RGS6: variants seen among roughly 807,000 people sequenced by gnomAD.
RGS6 encodes the protein regulator of G-protein signaling 6.
A neutral mutation model predicts 78.5 loss-of-function variants in RGS6; 30 were observed. The ratio of observed to expected loss-of-function variants is 0.38; its 90% CI spans 0.29 to 0.52. The LOEUF (loss-of-function observed/expected upper bound fraction) is 0.52, where lower values mean the gene tolerates loss of function less well. RGS6 is among the 20% of genes least tolerant of loss of function. The probability of loss-of-function intolerance (pLI) is 0.85; values close to 1 mark genes in which losing one functional copy is unlikely to be tolerated. For synonymous variants in RGS6, 206 were observed against 206.0 expected (o/e 1.00, Z 0.00); for missense variants, 495 against 609.7 (o/e 0.81, Z 1.98).
intron 1 of RGS6, among the ~76,000 whole-genome samples, chr14:71,963,916 A>G (rs1338343884): frequency 6.6e-6 from 1 of 152,200 alleles, no homozygotes; most frequent in Non-Finnish European, 1.5e-5. Flanking sequence ...TCTGTGTTCA[A>G]CTTTTTTGAG....
At position 72,305,015 on chromosome 14, in the gene RGS6, G is replaced by T. The variant is rs186904532; in HGVS notation, c.85-47080G>T. ...AACCCAGGACATTACCAAACTTTCT[G>T]ATCTTGGCCAAGGGGAGAGGTGAAA... On this transcript the variant is annotated intron_variant, in intron 2 of 17. Transcript: ENST00000553525. Among the ~76,000 whole-genome samples, 35 of 152,256 alleles carry T rather than the reference G, an allele frequency of 2.3e-4. 1 individual carries two copies. The East Asian group carries it at 6.8e-3, about 29-fold the overall frequency.
chr14:72,586,404 C>T, the RGS6 span, among the ~76,000 whole-genome samples: 2 of 152,186 alleles, frequency 1.3e-5, no homozygotes, highest in Admixed American at 6.5e-5. Context: ...CTCTCTCGTG[C>T]TTCCTCTCCT....
chr14:72,466,211 A>G (rs2095907370), intron 7 of RGS6, among the ~76,000 whole-genome samples: 1 of 152,242 alleles, frequency 6.6e-6, no homozygotes, highest in South Asian at 2.1e-4. Context: ...TAGAATGGCC[A>G]AAATAAAAAA....
rs372447999 is a variant in RGS6, at chr14:72,257,015, G to A, written c.85-95080G>A. Among the ~76,000 whole-genome samples the A allele has an allele frequency of 2.4e-4, 36 of 152,264 alleles. No individual in the cohort carries two copies. The South Asian group carries it at 7.3e-3, about 31-fold the overall frequency. ...CCTGCAAGAGGAGTGCTTTTAAAAC[G>A]TTTTTACATGAAGATGCTTTCTACT... On this transcript the variant is annotated intron_variant, in intron 2 of 17. Transcript: ENST00000553525.
At chr14:71,990,825 A>G in intron 2 of RGS6, 1 of 456,016 alleles carries the variant, frequency 2.2e-6, no homozygotes, top group South Asian at 1.5e-5. Context: ...CTCACTTACC[A>G]CAAACATAAC....
intron 2 of RGS6, among the ~76,000 whole-genome samples, chr14:71,973,146 G>A (rs2093914586): frequency 6.6e-6 from 1 of 152,152 alleles, no homozygotes; most frequent in African/African-American, 2.4e-5. Context: ...TAGCTATGCT[G>A]GGTGATCTCT....
chr14:72,498,838 G>T (rs2096679866), intron 13 of RGS6, among the ~76,000 whole-genome samples: 1 of 152,154 alleles, frequency 6.6e-6, no homozygotes, highest in Non-Finnish European at 1.5e-5. Context: ...GAGTTCCCCG[G>T]CAGGCTTTCC....
At chr14:72,575,210 C>A in the RGS6 span, among the ~76,000 whole-genome samples, 1 of 151,984 alleles carries the variant, frequency 6.6e-6, no homozygotes, top group Non-Finnish European at 1.5e-5. Flanking sequence ...TGTGAAGTAT[C>A]TGGGGTGTGC....
chr14:72,090,853 C>T (rs1239049609), intron 2 of RGS6, among the ~76,000 whole-genome samples: 1 of 152,088 alleles, frequency 6.6e-6, no homozygotes, highest in African/African-American at 2.4e-5. Flanking sequence ...TTGGCGCAGG[C>T]TCCTGTTGGG....
intron 2 of RGS6, among the ~76,000 whole-genome samples, chr14:72,290,849 A>C (rs1483632909): frequency 6.6e-6 from 1 of 151,944 alleles, no homozygotes; most frequent in Non-Finnish European, 1.5e-5. Flanking sequence ...GTAGCTGTCA[A>C]CTCTGTGCCA....
intron 3 of RGS6, among the ~76,000 whole-genome samples, chr14:72,418,086 C>G (rs559882335): frequency 5.3e-4 from 81 of 152,250 alleles, no homozygotes; most frequent in Non-Finnish European, 1.1e-3. Flanking sequence ...AAGCCACGGC[C>G]CATTTTACTA....
chr14:72,208,636 A>G (rs112169794), intron 2 of RGS6, among the ~76,000 whole-genome samples: 8 of 152,140 alleles, frequency 5.3e-5, no homozygotes, highest in African/African-American at 1.9e-4. Context: ...TATTAGATGC[A>G]AGTATTTGTT....
At chr14:72,401,116 T>C (rs74704833) in intron 3 of RGS6, among the ~76,000 whole-genome samples, 1 of 152,192 alleles carries the variant, frequency 6.6e-6, no homozygotes, top group African/African-American at 2.4e-5. Context: ...AGATAAATCT[T>C]ATGTTCAGTC....
the RGS6 span, among the ~76,000 whole-genome samples, chr14:72,588,398 CATT>C: frequency 2.6e-5 from 4 of 152,150 alleles, no homozygotes; most frequent in South Asian, 2.1e-4. Context: ...TGCAGGGACT[CATT>C]GTAAGAGTAT....
Position 72,166,992 on chromosome 14 carries a change from G to A in RGS6, c.85-185103G>A, listed in dbSNP as rs533886505. On this transcript the variant is annotated intron_variant, in intron 2 of 17. Coordinates refer to ENST00000553525, the MANE Select transcript of RGS6 (RefSeq NM_001204424.2). Reference sequence around the variant, plus strand: ...TTTTAAATATTGGGCACTATTTTCGGTTCAGTAATTCAACCTATTTTAATC... The same window carrying A: ...TTTTAAATATTGGGCACTATTTTCGATTCAGTAATTCAACCTATTTTAATC... 3.3e-5 allele frequency among the ~76,000 whole-genome samples: 5 copies of A among 152,118 alleles called. 1 individual carries two copies. The highest frequency in any genetic ancestry group is 4.1e-4 in the South Asian group (2 of 4,822).
the RGS6 span, among the ~76,000 whole-genome samples, chr14:71,907,630 G>T: frequency 1.3e-5 from 2 of 151,730 alleles, no homozygotes; most frequent in African/African-American, 4.8e-5. Flanking sequence ...GGGGGGATAT[G>T]TTCAGATTTA....
chr14:72,467,610 C>T (rs1194367788), intron 7 of RGS6, among the ~76,000 whole-genome samples: 1 of 152,160 alleles, frequency 6.6e-6, no homozygotes, highest in Non-Finnish European at 1.5e-5. Flanking sequence ...ATCCCACTGG[C>T]ATTGTGGACC....
chr14:72,290,565 C>A (rs1335263296), intron 2 of RGS6, among the ~76,000 whole-genome samples: 2 of 152,270 alleles, frequency 1.3e-5, no homozygotes, highest in East Asian at 1.9e-4. Flanking sequence ...AAGTTCTTGG[C>A]TTCATGGGAC....
the RGS6 span, among the ~76,000 whole-genome samples, chr14:71,899,121 A>AT: frequency 4.6e-5 from 7 of 152,154 alleles, no homozygotes; most frequent in Non-Finnish European, 1.0e-4. Flanking sequence ...CCTTCCCCTG[A>AT]TTTTTTTAAA....
Sources: allele counts gnomAD v4.1 joint callset (sites outside exome capture counted in the v4.1 genomes callset), GRCh38; gene constraint gnomAD v4.1.1; transcripts MANE v1.5; gene names NCBI Gene and HGNC (gene_info 2026-07-23, HGNC 2026-07-21).